The following PKNOX2 variants were observed in gnomAD, a reference collection of about 807,000 sequenced individuals.
PKNOX2 encodes the protein PBX/knotted 1 homeobox 2, also known as homeobox protein PKNOX2.
A neutral mutation model predicts 53.1 loss-of-function variants in PKNOX2; 14 were observed. The ratio of observed to expected loss-of-function variants is 0.26; its 90% CI spans 0.17 to 0.41. The LOEUF is 0.41. Among genes scored for constraint, PKNOX2 ranks in the 10% least tolerant of loss-of-function variants. The pLI is 1.00. For synonymous variants in PKNOX2, 257 were observed against 242.8 expected (o/e 1.06, Z -0.54); for missense variants, 496 against 602.8 (o/e 0.82, Z 1.85).
chr11:125,314,771 A>C (rs750666682), intron 2 of PKNOX2, among the ~76,000 whole-genome samples: 2 of 151,890 alleles, frequency 1.3e-5, no homozygotes, highest in Non-Finnish European at 2.9e-5. Context: ...AAAACCTGGC[A>C]GAGATGTTCC....
chr11:125,372,921 C>T (rs972537787), intron 5 of PKNOX2, among the ~76,000 whole-genome samples: 2 of 152,198 alleles, frequency 1.3e-5, no homozygotes, highest in Non-Finnish European at 2.9e-5. Flanking sequence ...GCAATGTGAG[C>T]CCTGTTTATA....
chr11:125,275,046 A>G (rs11828429), intron 2 of PKNOX2, among the ~76,000 whole-genome samples: 2 of 152,212 alleles, frequency 1.3e-5, no homozygotes, highest in African/African-American at 4.8e-5. Context: ...GCTGAACAAG[A>G]CAAGGGTCCC....
intron 6 of PKNOX2, among the ~76,000 whole-genome samples, chr11:125,388,916 C>G (rs954966764): frequency 6.6e-6 from 1 of 152,158 alleles, no homozygotes; most frequent in Non-Finnish European, 1.5e-5. Flanking sequence ...TAGGGAGGGC[C>G]GGGAACCGTG....
At chr11:125,196,394 G>C (rs549540996) in intron 1 of PKNOX2, among the ~76,000 whole-genome samples, 2 of 152,160 alleles carry the variant, frequency 1.3e-5, no homozygotes, top group Non-Finnish European at 1.5e-5. Flanking sequence ...GCCTGAGCCC[G>C]GGACACCGTC....
At chr11:125,318,320 C>A (rs1169247628) in intron 2 of PKNOX2, among the ~76,000 whole-genome samples, 1 of 149,476 alleles carries the variant, frequency 6.7e-6, no homozygotes, top group Non-Finnish European at 1.5e-5. Flanking sequence ...GAGGTTTTAC[C>A]ATGTTGCCCA....
intron 3 of PKNOX2, among the ~76,000 whole-genome samples, chr11:125,341,632 G>A (rs1040635786): frequency 2.0e-5 from 3 of 152,206 alleles, no homozygotes; most frequent in African/African-American, 4.8e-5. Flanking sequence ...GATTTCCCAC[G>A]TGTAGTCCTG....
In PKNOX2 at chr11:125,431,402, C is replaced by T; in HGVS notation, c.*10C>T. 6.3e-7 allele frequency: 1 copy of T among 1,586,488 alleles called. No homozygotes were observed. Among genetic ancestry groups the T allele is most frequent in the Non-Finnish European group, 8.6e-7 (1 of 1,167,076 alleles). On this transcript the variant is annotated 3_prime_UTR_variant, in exon 13 of 13. Coordinates refer to ENST00000298282, the MANE Select transcript of PKNOX2 (RefSeq NM_001382323.2). ...TGACTCCCTGGAGTAGTCGGGCAGC[C>T]CAGATGGCACTGATCACTGAGCAGG...
rs1052398210 is a variant in PKNOX2 at position 125,404,993 on chromosome 11, G to A, written c.589-5203G>A. Among the ~76,000 whole-genome samples, 5 of 152,260 alleles carry A rather than the reference G, an allele frequency of 3.3e-5. No homozygotes were observed. In the East Asian group the frequency reaches 9.7e-4, roughly 29 times the overall value. ...GCCCAGGCAGGGGAGCCGCCAGCACGCGCCTTCTGGGAGGCTTTGGTGAGT... is the reference window on the plus strand; with the variant it reads ...GCCCAGGCAGGGGAGCCGCCAGCACACGCCTTCTGGGAGGCTTTGGTGAGT... On this transcript the variant is annotated intron_variant, in intron 7 of 12. Coordinates refer to ENST00000298282, the MANE Select transcript of PKNOX2 (RefSeq NM_001382323.2).
At chr11:125,261,662 A>G (rs915290101) in intron 2 of PKNOX2, among the ~76,000 whole-genome samples, 1 of 152,182 alleles carries the variant, frequency 6.6e-6, no homozygotes, top group Non-Finnish European at 1.5e-5. Context: ...TACTCTCAGC[A>G]GGGCATCTCA....
chr11:125,208,641 C>T (rs1045977351), intron 1 of PKNOX2, among the ~76,000 whole-genome samples: 3 of 151,856 alleles, frequency 2.0e-5, no homozygotes, highest in Admixed American at 6.6e-5. Flanking sequence ...TTAAAATGTG[C>T]CTGTGTGGGA....
At chr11:125,419,967 C>T (rs1018731249) in intron 10 of PKNOX2, among the ~76,000 whole-genome samples, 19 of 150,564 alleles carry the variant, frequency 1.3e-4, no homozygotes, top group African/African-American at 4.2e-4. Context: ...GAGTGGATAG[C>T]CTGAGTCTAA....
At chr11:125,426,861 C>T (rs776943290) in intron 10 of PKNOX2, among the ~76,000 whole-genome samples, 3 of 152,224 alleles carry the variant, frequency 2.0e-5, no homozygotes, top group East Asian at 1.9e-4. Flanking sequence ...TCAGAGGCCA[C>T]GGTGACCAGC....
chr11:125,214,662 C>CCAT (rs1045479957), intron 1 of PKNOX2, among the ~76,000 whole-genome samples: 5 of 152,118 alleles, frequency 3.3e-5, no homozygotes, highest in African/African-American at 1.2e-4. Flanking sequence ...AGCATCTGCA[C>CCAT]CATCAATCAG....
chr11:125,346,246 C>T (rs1950964358), intron 3 of PKNOX2, among the ~76,000 whole-genome samples: 1 of 152,018 alleles, frequency 6.6e-6, no homozygotes, highest in Non-Finnish European at 1.5e-5. Context: ...GCTCCTGGCT[C>T]GCTGACCTCA....
intron 2 of PKNOX2, among the ~76,000 whole-genome samples, chr11:125,315,356 G>A (rs1024913986): frequency 3.1e-4 from 46 of 148,490 alleles, no homozygotes; most frequent in African/African-American, 1.0e-3. Context: ...AAATTGATGC[G>A]TTATTAATCC....
chr11:125,241,959 C>G (rs763743724), intron 2 of PKNOX2, among the ~76,000 whole-genome samples: 5 of 152,182 alleles, frequency 3.3e-5, no homozygotes, highest in Non-Finnish European at 7.4e-5. Flanking sequence ...GAGAGGTACT[C>G]TCCAGTTAAG....
At chr11:125,236,338 G>T (rs1041194495) in intron 2 of PKNOX2, among the ~76,000 whole-genome samples, 1 of 141,070 alleles carries the variant, frequency 7.1e-6, no homozygotes, top group South Asian at 2.5e-4. Context: ...TTGGGGGAAG[G>T]GTACCTCCCT....
chr11:125,254,210 A>G (rs1048516795), intron 2 of PKNOX2, among the ~76,000 whole-genome samples: 3 of 152,238 alleles, frequency 2.0e-5, no homozygotes, highest in Non-Finnish European at 2.9e-5. Context: ...AAAGAAAAAA[A>G]TGTCTCTTTA....
intron 1 of PKNOX2, among the ~76,000 whole-genome samples, chr11:125,226,319 A>G (rs977139921): frequency 6.6e-6 from 1 of 152,152 alleles, no homozygotes; most frequent in Non-Finnish European, 1.5e-5. Flanking sequence ...GGGGATGTGG[A>G]TAGCCTTGAA....
Sources: allele counts gnomAD v4.1 joint callset (sites outside exome capture counted in the v4.1 genomes callset), GRCh38; gene constraint gnomAD v4.1.1; transcripts MANE v1.5; gene names NCBI Gene and HGNC (gene_info 2026-07-23, HGNC 2026-07-21).